VPS13B: variants seen among roughly 807,000 people sequenced by gnomAD.
VPS13B encodes the protein vacuolar protein sorting 13 homolog B.
VPS13B carries 285 observed loss-of-function variants against 426.4 expected under a neutral mutation model. That is an observed-to-expected ratio of 0.67 (90% confidence interval 0.61 to 0.74). The LOEUF (loss-of-function observed/expected upper bound fraction) is 0.74, where lower values mean the gene tolerates loss of function less well. Among genes scored for constraint, VPS13B ranks in the 30% least tolerant of loss-of-function variants. The pLI is 0.00. For synonymous variants in VPS13B, 1,676 were observed against 1,676.4 expected (o/e 1.00, Z 0.01); for missense variants, 4,537 against 4,782.6 (o/e 0.95, Z 1.51).
rs1193136741 is a variant in VPS13B at position 99,013,306 on chromosome 8, C to T, written c.-71C>T. ...CAGCACTGCCGGCGGGGGCGGGTGCCAGGGACTTGGAGGTGGAGGGGACGC... is the reference window on the plus strand; with the variant it reads ...CAGCACTGCCGGCGGGGGCGGGTGCTAGGGACTTGGAGGTGGAGGGGACGC... On this transcript the variant is annotated 5_prime_UTR_variant, in exon 1 of 62. Transcript: ENST00000357162. The T allele has an allele frequency of 3.8e-5, 9 of 234,924 alleles. No individual in the cohort carries two copies. The highest frequency in any genetic ancestry group is 7.7e-5 in the Non-Finnish European group (9 of 117,366). The allele number at this position is 234,924 out of a possible 1,614,324, so 14.6% of individuals were successfully genotyped here.
chr8:99,699,648 CTT>C lies in VPS13B; in HGVS notation c.6171_6172del (p.Ala2059HisfsTer8). ...CACAGTTTGGCACATAGTGAAGAGA[CTT>C]CAGCCATGTCCAACACCATGGTGAA... On this transcript the variant is annotated frameshift_variant, in exon 36 of 62. Coordinates refer to ENST00000357162, the MANE Select transcript of VPS13B (RefSeq NM_152564.5). LOFTEE classifies it high-confidence loss of function. 1 of 1,614,128 alleles carries C rather than the reference CTT, an allele frequency of 6.2e-7. No homozygotes were observed. The highest frequency in any genetic ancestry group is 1.1e-5 in the South Asian group (1 of 91,076).
intron 14 of VPS13B, among the ~76,000 whole-genome samples, chr8:99,153,233 G>C (rs905649791): frequency 6.6e-6 from 1 of 151,996 alleles, no homozygotes; most frequent in Non-Finnish European, 1.5e-5. Flanking sequence ...TATATAGTTG[G>C]GTCTTGTATC....
chr8:99,774,780 T>A (rs1307305929), intron 40 of VPS13B, among the ~76,000 whole-genome samples: 1 of 152,222 alleles, frequency 6.6e-6, no homozygotes, highest in Non-Finnish European at 1.5e-5. Context: ...ATCTTGCCAA[T>A]GAAATCTTTT....
At chr8:99,449,728 C>T (rs923205818) in intron 23 of VPS13B, among the ~76,000 whole-genome samples, 4 of 151,882 alleles carry the variant, frequency 2.6e-5, no homozygotes, top group Admixed American at 2.6e-4. Flanking sequence ...ATAAATGTAG[C>T]CAATAAGATA....
intron 13 of VPS13B, among the ~76,000 whole-genome samples, chr8:99,143,767 T>C (rs1810556333): frequency 6.6e-6 from 1 of 152,228 alleles, no homozygotes; most frequent in African/African-American, 2.4e-5. Context: ...AGAAATTTAA[T>C]TAACATCTTT....
intron 19 of VPS13B, among the ~76,000 whole-genome samples, chr8:99,321,323 C>CAT (rs1809975010): frequency 6.6e-6 from 1 of 151,520 alleles, no homozygotes; most frequent in African/African-American, 2.4e-5. Context: ...TATTCTCCTG[C>CAT]CTCAGTCTCC....
chr8:99,809,407 C>T lies in VPS13B; in HGVS notation c.7974C>T (p.Asn2658=), dbSNP rs756420442. The change falls in exon 44 of 62, where the codon AAC becomes AAT. Residue 2658 remains asparagine (N), a synonymous_variant. Coordinates refer to ENST00000357162, the MANE Select transcript of VPS13B (RefSeq NM_152564.5). ...LLHICIEGWG[N]WRWSEPFSVD... ...ACATCTGTATTGAAGGTTGGGGCAA[C>T]TGGCGTTGGTCAGAGCCTTTCAGTG... 11 of 1,613,864 alleles carry T rather than the reference C, an allele frequency of 6.8e-6. No individual in the cohort carries two copies. Among genetic ancestry groups the T allele is most frequent in the Non-Finnish European group, 9.3e-6 (11 of 1,179,960 alleles).
intron 8 of VPS13B, among the ~76,000 whole-genome samples, chr8:99,126,940 C>T (rs914094791): frequency 6.6e-6 from 1 of 151,910 alleles, no homozygotes; most frequent in African/African-American, 2.4e-5. Context: ...CAGAAAAATA[C>T]AAAAATTAGC....
intron 36 of VPS13B, among the ~76,000 whole-genome samples, chr8:99,711,847 C>T (rs1197533533): frequency 6.6e-6 from 1 of 152,050 alleles, no homozygotes; most frequent in African/African-American, 2.4e-5. Context: ...GGTAGATAAC[C>T]ACTAACTTTT....
intron 51 of VPS13B, among the ~76,000 whole-genome samples, chr8:99,831,892 G>A (rs1320813957): frequency 6.6e-6 from 1 of 152,174 alleles, no homozygotes; most frequent in African/African-American, 2.4e-5. Flanking sequence ...CATGGGGACA[G>A]GATTCATAAT....
intron 1 of VPS13B, among the ~76,000 whole-genome samples, 187 bp downstream of exon 1, chr8:99,013,534 C>T (rs1841432685): frequency 6.6e-6 from 1 of 152,210 alleles, no homozygotes; most frequent in South Asian, 2.1e-4. Context: ...GAGGGACCCG[C>T]TCTCTTCTGG....
chr8:99,860,385 G>A (rs1377687193), intron 57 of VPS13B, among the ~76,000 whole-genome samples: 1 of 152,074 alleles, frequency 6.6e-6, no homozygotes, highest in Non-Finnish European at 1.5e-5. Flanking sequence ...TGGGGGCTGA[G>A]CTGCAGAAAC....
chr8:99,815,435 T>C (rs1302588839), intron 44 of VPS13B, among the ~76,000 whole-genome samples: 1 of 152,124 alleles, frequency 6.6e-6, no homozygotes, highest in Non-Finnish European at 1.5e-5. Context: ...CTTAGCCTTT[T>C]CCTTCGATTG....
At chr8:99,373,723 A>G (rs995326621) in intron 19 of VPS13B, among the ~76,000 whole-genome samples, 7 of 152,086 alleles carry the variant, frequency 4.6e-5, no homozygotes, top group Non-Finnish European at 1.0e-4. Flanking sequence ...ATAGCCGGGT[A>G]TGGTGGCACC....
intron 33 of VPS13B, among the ~76,000 whole-genome samples, chr8:99,620,724 C>A (rs1399237169): frequency 6.6e-6 from 1 of 151,784 alleles, no homozygotes; most frequent in East Asian, 1.9e-4. Flanking sequence ...GTAATCCCAG[C>A]ACTTTGGGAG....
chr8:99,366,529 GTT>G (rs74203765), intron 19 of VPS13B, among the ~76,000 whole-genome samples: 2 of 128,458 alleles, frequency 1.6e-5, no homozygotes, highest in Non-Finnish European at 3.4e-5. Flanking sequence ...GTTTTTTTTT[GTT>G]TTTTTTTTTT....
chr8:99,024,273 C>T (rs553817674), intron 2 of VPS13B, among the ~76,000 whole-genome samples: 2 of 152,268 alleles, frequency 1.3e-5, no homozygotes, highest in East Asian at 1.9e-4. Context: ...TGTGTGAGAG[C>T]GTGTTTGTGT....
chr8:99,102,938 T>A lies in VPS13B; in HGVS notation c.413-15T>A, dbSNP rs750078421. 4 of 1,589,500 alleles carry A rather than the reference T, an allele frequency of 2.5e-6. No individual in the cohort carries two copies. In the Middle Eastern group the frequency reaches 5.9e-4, roughly 233 times the overall value. On this transcript the variant is annotated splice_polypyrimidine_tract_variant and intron_variant, in intron 4 of 61. Transcript: ENST00000357162. ...AGATTTGTGGCTAATTAAATTCTTT[T>A]TTTCTATTTTATAGGTTATGTGCAG...
chr8:99,300,861 A>G (rs996465808), intron 19 of VPS13B, among the ~76,000 whole-genome samples: 9 of 151,698 alleles, frequency 5.9e-5, no homozygotes, highest in African/African-American at 1.9e-4. Flanking sequence ...ATTGGGAAAA[A>G]ATCAGATTAT....
Sources: allele counts gnomAD v4.1 joint callset (sites outside exome capture counted in the v4.1 genomes callset), GRCh38; gene constraint gnomAD v4.1.1; transcripts MANE v1.5; gene names NCBI Gene and HGNC (gene_info 2026-07-23, HGNC 2026-07-21).